HEATR4: variants seen among roughly 807,000 people sequenced by gnomAD.
HEATR4 encodes the protein HEAT repeat containing 4, also known as HEAT repeat-containing protein 4.
HEATR4 carries 95 observed loss-of-function variants against 108.8 expected under a neutral mutation model. The ratio of observed to expected loss-of-function variants is 0.87; its 90% CI spans 0.74 to 1.04. The LOEUF (loss-of-function observed/expected upper bound fraction) is 1.04, where lower values mean the gene tolerates loss of function less well. Among genes scored for constraint, HEATR4 ranks in the 50% least tolerant of loss-of-function variants. The probability of loss-of-function intolerance (pLI) is 0.00; values close to 1 mark genes in which losing one functional copy is unlikely to be tolerated. For missense variants in HEATR4, 1,152 were observed against 1,253.8 expected (o/e 0.92, Z 1.23); for synonymous variants, 443 against 459.4 (o/e 0.96, Z 0.46).
the HEATR4 span, chr14:73,632,101 C>G: frequency 6.6e-6 from 1 of 151,508 alleles, no homozygotes; most frequent in Admixed American, 6.6e-5. Flanking sequence ...AATGAAATCC[C>G]TAATAAAACT....
chr14:73,565,143 A>G, the HEATR4 span, among the ~76,000 whole-genome samples: 1 of 152,022 alleles, frequency 6.6e-6, no homozygotes, highest in Non-Finnish European at 1.5e-5. Context: ...ATTTACACAC[A>G]TTCATTAAGG....
At chr14:73,614,590 CA>C in the HEATR4 span, among the ~76,000 whole-genome samples, 2 of 150,540 alleles carry the variant, frequency 1.3e-5, no homozygotes, top group East Asian at 4.0e-4. Context: ...TTATATAATA[CA>C]AAAAAATTAG....
At chr14:73,538,352 G>T (rs1488912228) in intron 1 of HEATR4, among the ~76,000 whole-genome samples, 2 of 114,302 alleles carry the variant, frequency 1.7e-5, no homozygotes, top group African/African-American at 5.7e-5. Flanking sequence ...GCTGGCTCAC[G>T]CCTGTAATCC....
chr14:73,509,324 C>CAG lies in HEATR4; in HGVS notation c.1706_1707dup (p.Ala570LeufsTer4), dbSNP rs772908686. On this transcript the variant is annotated frameshift_variant, in exon 8 of 18. Transcript: ENST00000553558. LOFTEE classifies it high-confidence loss of function. ...GGGAGTTACTCACCCTTCAGAAGGG[C>CAG]AGTCTGCATGATGTTCCGGGCAAGG... 1.5e-4 allele frequency: 245 copies of CAG among 1,613,944 alleles called. 2 individuals carry two copies. Among genetic ancestry groups the CAG allele is most frequent in the Non-Finnish European group, 3.4e-5 (40 of 1,179,980 alleles).
chr14:73,592,082 G>T, the HEATR4 span: 64 of 1,487,914 alleles, frequency 4.3e-5, no homozygotes, highest in African/African-American at 6.2e-4. Flanking sequence ...TGCGCGACGA[G>T]AAGGGCGCGC....
In HEATR4 at chr14:73,500,745, T is replaced by C. The variant is rs1886406953; in HGVS notation, c.2106-15A>G. The C allele has an allele frequency of 5.6e-6, 9 of 1,608,784 alleles. No individual in the cohort carries two copies. Among genetic ancestry groups the C allele is most frequent in the Admixed American group, 1.7e-5 (1 of 59,714 alleles). On this transcript the variant is annotated splice_polypyrimidine_tract_variant and intron_variant, in intron 11 of 17. Transcript: ENST00000553558. ...CTAGCTTGACCCTGTAAGGCACAAG[T>C]TGCTTTCCTTTCACCTCCTTAAACT...
At chr14:73,521,106 A>G in intron 3 of HEATR4, 67 bp from the exon 4 acceptor site, 1 of 1,369,426 alleles carries the variant, frequency 7.3e-7, no homozygotes, top group Non-Finnish European at 1.0e-6. Flanking sequence ...TTTCCATTAA[A>G]TCCACAGCTC....
chr14:73,561,550 GGT>G (rs1889532022), upstream of HEATR4, among the ~76,000 whole-genome samples: 1 of 151,816 alleles, frequency 6.6e-6, no homozygotes, highest in Non-Finnish European at 1.5e-5. Context: ...AGCTGGGCAT[GGT>G]GGCACACACC....
chr14:73,499,009 T>C, intron 13 of HEATR4, 62 bp downstream of exon 13: 1 of 1,430,272 alleles, frequency 7.0e-7, no homozygotes, highest in Non-Finnish European at 9.9e-7. Context: ...AGGGGATCAT[T>C]TCTACTTGCA....
chr14:73,493,202 C>T, intron 16 of HEATR4, 78 bp from the exon 17 acceptor site: 1 of 1,148,342 alleles, frequency 8.7e-7, no homozygotes, highest in African/African-American at 1.5e-5. Context: ...GCACCAACTT[C>T]ATCACCTTCA....
At chr14:73,508,397 C>A in intron 8 of HEATR4, 103 bp from the exon 9 acceptor site, 1 of 903,126 alleles carries the variant, frequency 1.1e-6, no homozygotes, top group South Asian at 1.5e-5. Context: ...CCTGATATCT[C>A]ACTTCCTTGT....
At chr14:73,482,622 A>G (rs574821985) in intron 17 of HEATR4, among the ~76,000 whole-genome samples, 6 of 152,346 alleles carry the variant, frequency 3.9e-5, no homozygotes, top group Middle Eastern at 3.4e-3. Context: ...GACATTATTC[A>G]TTTGTTAAAA....
intron 1 of HEATR4, among the ~76,000 whole-genome samples, chr14:73,547,290 A>G (rs1301227187): frequency 8.6e-6 from 1 of 115,700 alleles, no homozygotes; most frequent in South Asian, 2.7e-4. Flanking sequence ...CTGTGGCAGG[A>G]GAATCACTTG....
chr14:73,606,626 G>A, the HEATR4 span, among the ~76,000 whole-genome samples: 2 of 152,140 alleles, frequency 1.3e-5, no homozygotes, highest in East Asian at 1.9e-4. Context: ...AATATGTCTG[G>A]CTTTTGAGCC....
the HEATR4 span, among the ~76,000 whole-genome samples, chr14:73,583,115 G>A: frequency 7.2e-5 from 11 of 152,004 alleles, no homozygotes; most frequent in South Asian, 4.2e-4. Context: ...AGGCCGAGGC[G>A]GGCGGATCAC....
chr14:73,587,483 A>G, the HEATR4 span, among the ~76,000 whole-genome samples: 1 of 151,836 alleles, frequency 6.6e-6, no homozygotes, highest in South Asian at 2.1e-4. Context: ...CTCCCGGGAC[A>G]TTGCTGGGAC....
At chr14:73,613,058 C>T in the HEATR4 span, 4 of 633,290 alleles carry the variant, frequency 6.3e-6, no homozygotes, top group East Asian at 1.4e-4. Flanking sequence ...TTTGGTCGAG[C>T]TCTGCGACCC....
intron 5 of HEATR4, among the ~76,000 whole-genome samples, chr14:73,518,524 T>C (rs1244309363): frequency 6.6e-6 from 1 of 152,158 alleles, no homozygotes; most frequent in Non-Finnish European, 1.5e-5. Context: ...TTGTGGAAGA[T>C]GTGCACATTT....
At chr14:73,500,225 G>A (rs577946079) in intron 12 of HEATR4, among the ~76,000 whole-genome samples, 5 of 151,566 alleles carry the variant, frequency 3.3e-5, no homozygotes, top group African/African-American at 7.3e-5. Flanking sequence ...GCGAGACTCC[G>A]TCTCAAAACA....
Sources: allele counts gnomAD v4.1 joint callset (sites outside exome capture counted in the v4.1 genomes callset), GRCh38; gene constraint gnomAD v4.1.1; transcripts MANE v1.5; gene names NCBI Gene and HGNC (gene_info 2026-07-23, HGNC 2026-07-21).